Variants in PHF3 observed in about 807,000 individuals in gnomAD.
PHF3 encodes the protein PHD finger protein 3.
Under a neutral mutation model 178.4 loss-of-function variants are expected in PHF3, and 41 were observed. The ratio of observed to expected loss-of-function variants is 0.23; its 90% confidence interval spans 0.18 to 0.30. The LOEUF (loss-of-function observed/expected upper bound fraction) is 0.30. Ranked by LOEUF, PHF3 falls within the 10% of genes least tolerant of loss-of-function variation. The pLI, the probability that PHF3 is intolerant of heterozygous loss-of-function variation, is 1.00. For synonymous variants in PHF3, 842 were observed against 800.5 expected, an observed-to-expected ratio of 1.05 and a Z score of -0.88; for missense variants, 2,346 against 2,398.1, an observed-to-expected ratio of 0.98 and a Z score of 0.45.
intron 11 of PHF3, among the ~76,000 whole-genome samples, chr6:63,705,220 C>A (rs1767638761): frequency 6.6e-6 from 1 of 152,214 alleles, no homozygotes; most frequent in South Asian, 2.1e-4. Context: ...AATTAAGAAA[C>A]CTGTTTTAGG....
intron 3 of PHF3, among the ~76,000 whole-genome samples, chr6:63,681,695 C>G (rs1766444512): frequency 6.6e-6 from 1 of 151,972 alleles, no homozygotes. Flanking sequence ...GCGTTTTAAA[C>G]AGTTTTTGTC....
intron 2 of PHF3, among the ~76,000 whole-genome samples, chr6:63,668,082 C>T (rs1432155921): frequency 6.6e-6 from 1 of 152,178 alleles, no homozygotes; most frequent in East Asian, 1.9e-4. Flanking sequence ...TGATGATATT[C>T]GCTGGAGTCA....
At chr6:63,646,086 A>ATAAAAAT (rs1190088726) in intron 1 of PHF3, among the ~76,000 whole-genome samples, 1 of 152,136 alleles carries the variant, frequency 6.6e-6, no homozygotes, top group East Asian at 1.9e-4. Flanking sequence ...TAGGTATGGG[A>ATAAAAAT]TAAAAATTTA....
chr6:63,669,624 A>G (rs974608151), intron 2 of PHF3, among the ~76,000 whole-genome samples: 8 of 152,324 alleles, frequency 5.3e-5, no homozygotes, highest in Non-Finnish European at 7.4e-5. Flanking sequence ...CAAATAAACC[A>G]TATTAAAGTA....
intron 1 of PHF3, among the ~76,000 whole-genome samples, chr6:63,643,716 T>A (rs1015107992): frequency 6.6e-6 from 1 of 152,204 alleles, no homozygotes; most frequent in African/African-American, 2.4e-5. Context: ...TAATGCCTGT[T>A]TAAATCTGGG....
chr6:63,720,930 T>C lies in PHF3; in HGVS notation c.*7222T>C, dbSNP rs779289332. On this transcript the variant is annotated 3_prime_UTR_variant, in exon 16 of 16. Coordinates refer to ENST00000262043, the MANE Select transcript of PHF3 (RefSeq NM_001370348.2). ...ATTACAACAGAATGTGCCATTGTTA[T>C]AGCTCATAGGCACAGAGATTCTTTC... 19 of 1,551,304 alleles carry C rather than the reference T, an allele frequency of 1.2e-5. No individual in the cohort carries two copies. Among genetic ancestry groups the C allele is most frequent in the South Asian group, 4.8e-5 (4 of 84,062 alleles).
chr6:63,677,147 G>T (rs1008545184), intron 2 of PHF3, among the ~76,000 whole-genome samples: 2 of 152,096 alleles, frequency 1.3e-5, no homozygotes, highest in Non-Finnish European at 2.9e-5. Flanking sequence ...ACTTAATGAA[G>T]ATGTCAGATT....
chr6:63,640,040 T>C (rs768931373), intron 1 of PHF3, among the ~76,000 whole-genome samples: 1 of 152,230 alleles, frequency 6.6e-6, no homozygotes, highest in Non-Finnish European at 1.5e-5. Context: ...GTCTTAGTTG[T>C]CTTTGTGCAG....
rs1766643008 is a variant in PHF3 at position 63,685,387 on chromosome 6, G to A, written c.1665G>A (p.Glu555=). ...TCAGAAAAAAACAAATTGATAAGGA[G>A]CCAAAGATTCAGAGTTGCAATTCTG... ...VKVRKKQIDK[E]PKIQSCNSGV... Residue 555 remains glutamate (E), a synonymous_variant, in exon 4 of 16, where the codon GAG becomes GAA. Coordinates refer to ENST00000262043, the MANE Select transcript of PHF3 (RefSeq NM_001370348.2). The A allele has an allele frequency of 1.2e-6, 2 of 1,613,746 alleles. No homozygotes were observed. Among genetic ancestry groups the A allele is most frequent in the African/African-American group, 1.3e-5 (1 of 74,830 alleles).
intron 2 of PHF3, among the ~76,000 whole-genome samples, chr6:63,661,707 T>C (rs1442597485): frequency 6.6e-6 from 1 of 152,184 alleles, no homozygotes; most frequent in Non-Finnish European, 1.5e-5. Flanking sequence ...GATTTTTTAA[T>C]ATATTGATAA....
At chr6:63,640,102 C>A (rs1764510330) in intron 1 of PHF3, among the ~76,000 whole-genome samples, 1 of 152,134 alleles carries the variant, frequency 6.6e-6, no homozygotes. Flanking sequence ...AAGTTATGAT[C>A]CTTGCTTTCT....
intron 1 of PHF3, among the ~76,000 whole-genome samples, chr6:63,637,994 A>AC (rs1296589224): frequency 6.6e-6 from 1 of 151,662 alleles, no homozygotes. Flanking sequence ...GTTGGGATAG[A>AC]CTTCAGATAA....
In PHF3 at chr6:63,703,714, AAAG is replaced by A. The variant is rs144079932; in HGVS notation, c.3367+47_3367+49del. The A allele has an allele frequency of 1.1e-3, 1,781 of 1,565,964 alleles. 19 individuals carry two copies. In the African/African-American group the frequency reaches 0.021, roughly 19 times the overall value. The stretch of plus-strand genomic sequence containing the variant: ...TTCGTAAAATTTTGCATTCATTATG[AAAG>A]AAGGATACTTAGATACTAGTATATG... On this transcript the variant is annotated intron_variant, in intron 11 of 15. Coordinates refer to ENST00000262043, the MANE Select transcript of PHF3 (RefSeq NM_001370348.2).
Position 63,714,861 on chromosome 6 carries a change from A to G in PHF3, c.*1153A>G, listed in dbSNP as rs1768131652. 6.6e-6 allele frequency: 1 copy of G among 152,070 alleles called. No individual in the cohort carries two copies. The highest frequency in any genetic ancestry group is 2.4e-5 in the African/African-American group (1 of 41,422). 9.4% of individuals were successfully genotyped at this position (152,070 alleles called of 1,614,324 possible). Reference sequence around the variant, plus strand: ...ATTCGTAAAGTAACTGTACAGTTTCATATGCCAGTTTTACTTGAAAAAAAA... The same window carrying G: ...ATTCGTAAAGTAACTGTACAGTTTCGTATGCCAGTTTTACTTGAAAAAAAA... On this transcript the variant is annotated 3_prime_UTR_variant, in exon 16 of 16. Coordinates refer to ENST00000262043, the MANE Select transcript of PHF3 (RefSeq NM_001370348.2).
rs1768264114 is a variant in PHF3 at position 63,718,703 on chromosome 6, GTTC to G, written c.*4998_*5000del. ...TGGATTCCTTGAAAAGATCGCAGGGGTTCTTGGACCATAGTTTGGGAAGTGCTA... is the reference window on the plus strand; with the variant it reads ...TGGATTCCTTGAAAAGATCGCAGGGGTTGGACCATAGTTTGGGAAGTGCTA... On this transcript the variant is annotated 3_prime_UTR_variant, in exon 16 of 16. Coordinates refer to ENST00000262043, the MANE Select transcript of PHF3 (RefSeq NM_001370348.2). Among the ~76,000 whole-genome samples the G allele has an allele frequency of 1.3e-5, 2 of 151,986 alleles. No individual in the cohort carries two copies. The highest frequency in any genetic ancestry group is 2.9e-5 in the Non-Finnish European group (2 of 67,936).
At chr6:63,700,495 C>G in intron 9 of PHF3, 29 bp downstream of exon 9, 1 of 1,158,410 alleles carries the variant, frequency 8.6e-7, no homozygotes, top group East Asian at 2.4e-5. Context: ...ATGCATTTGA[C>G]TATCAAAATC....
chr6:63,658,900 T>A (rs1765351562), intron 2 of PHF3, among the ~76,000 whole-genome samples: 1 of 152,138 alleles, frequency 6.6e-6, no homozygotes, highest in African/African-American at 2.4e-5. Flanking sequence ...TGTTGCAGTT[T>A]GAGTCCAAAG....
At chr6:63,689,486 G>T (rs1766900311) in intron 4 of PHF3, among the ~76,000 whole-genome samples, 1 of 152,140 alleles carries the variant, frequency 6.6e-6, no homozygotes, top group African/African-American at 2.4e-5. Flanking sequence ...TCTGCAGATT[G>T]TTAGTAACAA....
At chr6:63,660,543 T>A (rs538480867) in intron 2 of PHF3, among the ~76,000 whole-genome samples, 2 of 152,120 alleles carry the variant, frequency 1.3e-5, no homozygotes, top group Non-Finnish European at 2.9e-5. Flanking sequence ...AACTTGATGA[T>A]CTCTTCTTAA....
Sources: gnomAD v4.1 joint callset for allele counts (sites outside exome capture counted in the v4.1 genomes callset) on GRCh38, gnomAD v4.1.1 for gene constraint, MANE v1.5 for transcripts, NCBI Gene and HGNC (gene_info 2026-07-23, HGNC 2026-07-21) for gene names.